STXBP6: variants seen among roughly 807,000 people sequenced by gnomAD.
The protein encoded by STXBP6 is syntaxin-binding protein 6.
In STXBP6, 21 loss-of-function variants were observed where a neutral mutation model predicts 26.9. That is an observed-to-expected ratio of 0.78 (90% confidence interval 0.55 to 1.12). The LOEUF is 1.12. STXBP6 is among the 50% of genes most tolerant of loss of function. The pLI is 0.00. For synonymous variants in STXBP6, 97 were observed against 92.6 expected (o/e 1.05, Z -0.27); for missense variants, 232 against 257.9 (o/e 0.90, Z 0.69).
At chr14:24,915,249 T>A (rs2071722668) in intron 2 of STXBP6, among the ~76,000 whole-genome samples, 1 of 152,134 alleles carries the variant, frequency 6.6e-6, no homozygotes, top group Admixed American at 6.5e-5. Flanking sequence ...CAACTATGGT[T>A]CAGGATTATA....
intron 2 of STXBP6, among the ~76,000 whole-genome samples, chr14:24,896,454 T>C (rs986504951): frequency 1.3e-5 from 2 of 152,196 alleles, no homozygotes; most frequent in African/African-American, 4.8e-5. Flanking sequence ...TGCAGTTACC[T>C]GGGTCCCACT....
At chr14:24,964,799 T>C (rs754916659) in intron 2 of STXBP6, among the ~76,000 whole-genome samples, 2 of 152,150 alleles carry the variant, frequency 1.3e-5, no homozygotes, top group Admixed American at 6.6e-5. Context: ...TGCTCAACAG[T>C]GAACTTGACT....
intron 1 of STXBP6, among the ~76,000 whole-genome samples, chr14:25,038,941 A>G (rs1388639231): frequency 1.3e-5 from 2 of 152,176 alleles, no homozygotes; most frequent in African/African-American, 2.4e-5. Context: ...ATTTAGACCT[A>G]CTGTACAACA....
At chr14:25,006,651 A>G (rs1595301929) in intron 1 of STXBP6, among the ~76,000 whole-genome samples, 1 of 152,216 alleles carries the variant, frequency 6.6e-6, no homozygotes, top group African/African-American at 2.4e-5. Flanking sequence ...TCCAAAAAAT[A>G]TATTCACGAG....
intron 2 of STXBP6, among the ~76,000 whole-genome samples, chr14:24,891,185 AAAC>A (rs1266764639): frequency 6.6e-6 from 1 of 152,160 alleles, no homozygotes; most frequent in Non-Finnish European, 1.5e-5. Flanking sequence ...CAAGGCCTGA[AAAC>A]AAATTAGGAG....
At chr14:24,985,064 A>G (rs1386707729) in intron 1 of STXBP6, among the ~76,000 whole-genome samples, 1 of 152,240 alleles carries the variant, frequency 6.6e-6, no homozygotes, top group Admixed American at 6.5e-5. Context: ...CTAGCCCAGC[A>G]GCTACAAAGA....
chr14:24,836,131 C>T (rs576856305), intron 4 of STXBP6, among the ~76,000 whole-genome samples: 1 of 152,322 alleles, frequency 6.6e-6, no homozygotes, highest in South Asian at 2.1e-4. Context: ...ATCATACTCA[C>T]ACTTTGGTAC....
intron 1 of STXBP6, among the ~76,000 whole-genome samples, chr14:24,987,735 T>C (rs1853309154): frequency 6.6e-6 from 1 of 152,262 alleles, no homozygotes; most frequent in Admixed American, 6.5e-5. Flanking sequence ...AGCAGGAAGA[T>C]AATGGCAAGA....
chr14:24,887,711 T>C (rs1303684745), intron 2 of STXBP6, among the ~76,000 whole-genome samples: 3 of 152,276 alleles, frequency 2.0e-5, no homozygotes, highest in East Asian at 3.9e-4. Flanking sequence ...AAATATAAAT[T>C]ACCATCACAT....
chr14:24,991,396 C>T (rs930683652), intron 1 of STXBP6, among the ~76,000 whole-genome samples: 1 of 152,132 alleles, frequency 6.6e-6, no homozygotes, highest in African/African-American at 2.4e-5. Flanking sequence ...TTTATTAATA[C>T]AGTAGGCCTA....
At chr14:25,034,895 A>C (rs931673512) in intron 1 of STXBP6, among the ~76,000 whole-genome samples, 4 of 152,168 alleles carry the variant, frequency 2.6e-5, no homozygotes, top group African/African-American at 9.7e-5. Context: ...TCACACCTAT[A>C]ATCCCAGCAC....
At chr14:25,001,680 T>A (rs2140332756) in intron 1 of STXBP6, among the ~76,000 whole-genome samples, 1 of 152,374 alleles carries the variant, frequency 6.6e-6, no homozygotes, top group Non-Finnish European at 1.5e-5. Context: ...TCTTTTAAAT[T>A]CCTTGTCTGA....
At chr14:24,864,496 A>G (rs2069650501) in intron 2 of STXBP6, among the ~76,000 whole-genome samples, 1 of 152,070 alleles carries the variant, frequency 6.6e-6, no homozygotes, top group South Asian at 2.1e-4. Context: ...GCCTGTGACT[A>G]TGCTCCTGGA....
chr14:25,049,511 C>T lies in STXBP6; in HGVS notation c.-33+367G>A. The T allele has an allele frequency of 1.0e-6, 1 of 985,502 alleles. No homozygotes were observed. Among genetic ancestry groups the T allele is most frequent in the Non-Finnish European group, 1.2e-6 (1 of 830,020 alleles). The allele number at this position is 985,502 out of a possible 1,614,324, so 61.0% of individuals were successfully genotyped here. A position where few individuals can be genotyped will look rare whatever the true frequency, so the allele number is the denominator to read the frequency against. ...ACACTGGGAGCCTCGGGGCAGCATT[C>T]TCGGGGCCCATGCCATCGCGGGGAC... is the stretch of plus-strand genomic sequence containing the variant. On this transcript the variant is annotated intron_variant, in intron 1 of 5. Transcript: ENST00000323944. The surrounding 1 kb of genome is among the most constrained non-coding windows in gnomAD (Gnocchi z 5.6).
intron 1 of STXBP6, among the ~76,000 whole-genome samples, chr14:25,007,053 T>C (rs1595302913): frequency 6.6e-6 from 1 of 152,216 alleles, no homozygotes; most frequent in Admixed American, 6.5e-5. Context: ...GACATAGACT[T>C]TCATGGTCTA....
At chr14:24,841,220 G>A (rs2068774661) in intron 4 of STXBP6, among the ~76,000 whole-genome samples, 2 of 152,100 alleles carry the variant, frequency 1.3e-5, no homozygotes, top group South Asian at 4.1e-4. Flanking sequence ...TTACAGTCTA[G>A]CTGGATACAG....
chr14:24,913,370 A>G (rs561100497), intron 2 of STXBP6, among the ~76,000 whole-genome samples: 1 of 152,322 alleles, frequency 6.6e-6, no homozygotes, highest in Admixed American at 6.5e-5. Context: ...GAAATGATAA[A>G]TGTTTGATAT....
chr14:24,973,379 C>CTTTTTTTTTTTTTTTTT (rs1057437135), intron 2 of STXBP6, among the ~76,000 whole-genome samples: 1 of 76,812 alleles, frequency 1.3e-5, no homozygotes, highest in African/African-American at 6.9e-5. Flanking sequence ...AGCTTTCTTC[C>CTTTTTTTTTTTTTTTTT]TTTTTTTTTT....
chr14:24,941,445 G>A (rs1015538043), intron 2 of STXBP6, among the ~76,000 whole-genome samples: 1 of 152,216 alleles, frequency 6.6e-6, no homozygotes, highest in African/African-American at 2.4e-5. Context: ...GTGATTAAAG[G>A]ATGATGGAAG....
Sources: gnomAD v4.1 joint callset for allele counts (sites outside exome capture counted in the v4.1 genomes callset) on GRCh38, gnomAD v4.1.1 for gene constraint, Gnocchi (gnomAD v3.1) non-coding constraint, MANE v1.5 for transcripts, NCBI Gene and HGNC (gene_info 2026-07-23, HGNC 2026-07-21) for gene names.